Variants in TLN2 observed in about 807,000 individuals in gnomAD.
The protein encoded by TLN2 is talin 2, also known as talin-2.
In TLN2, 118 loss-of-function variants were observed where a neutral mutation model predicts 294.7. That is an observed-to-expected ratio of 0.40 (90% CI 0.34 to 0.47). The LOEUF (loss-of-function observed/expected upper bound fraction) is 0.47, where lower values mean the gene tolerates loss of function less well. Ranked by LOEUF, TLN2 falls within the 20% of genes least tolerant of loss-of-function variation. The pLI is 0.84. For synonymous variants in TLN2, 1,431 were observed against 1,304.5 expected (o/e 1.10, Z -2.09); for missense variants, 3,083 against 3,282.2 (o/e 0.94, Z 1.48).
At chr15:62,782,882 A>G (rs2064303688) in intron 44 of TLN2, among the ~76,000 whole-genome samples, 1 of 152,234 alleles carries the variant, frequency 6.6e-6, no homozygotes, top group Admixed American at 6.5e-5. Flanking sequence ...TGTTATCCAG[A>G]GCAAGAGGAG....
intron 1 of TLN2, among the ~76,000 whole-genome samples, chr15:62,518,861 G>A (rs756508343): frequency 1.4e-4 from 22 of 152,314 alleles, no homozygotes; most frequent in Non-Finnish European, 2.8e-4. Flanking sequence ...GCCTCCCAAA[G>A]TGCAGGGATT....
intron 41 of TLN2, among the ~76,000 whole-genome samples, chr15:62,769,610 G>C (rs780149810): frequency 2.0e-5 from 3 of 152,180 alleles, no homozygotes; most frequent in Non-Finnish European, 2.9e-5. Flanking sequence ...CGTTAATTAA[G>C]TTTTATTTTT....
chr15:62,483,069 C>T (rs183545636), intron 1 of TLN2, among the ~76,000 whole-genome samples: 1 of 152,334 alleles, frequency 6.6e-6, no homozygotes, highest in Admixed American at 6.5e-5. Context: ...AGTTCCCTTC[C>T]TCTGTTCTTG....
chr15:62,599,591 G>A (rs972387085), intron 2 of TLN2, among the ~76,000 whole-genome samples: 1 of 152,074 alleles, frequency 6.6e-6, no homozygotes, highest in African/African-American at 2.4e-5. Context: ...ATCAAGAGAG[G>A]GAAACATCAG....
chr15:62,745,341 A>T (rs1032973548), intron 32 of TLN2, among the ~76,000 whole-genome samples: 4 of 152,200 alleles, frequency 2.6e-5, no homozygotes, highest in Non-Finnish European at 4.4e-5. Context: ...TAAAAAAAAA[A>T]TAAAAGTAAC....
intron 26 of TLN2, among the ~76,000 whole-genome samples, chr15:62,723,008 TGAG>T (rs1403353907): frequency 3.3e-5 from 5 of 152,352 alleles, no homozygotes; most frequent in African/African-American, 9.6e-5. Context: ...AGAACAGAGT[TGAG>T]GACTAAATTT....
intron 50 of TLN2, among the ~76,000 whole-genome samples, chr15:62,802,546 G>A (rs2066004012): frequency 6.6e-6 from 1 of 152,196 alleles, no homozygotes; most frequent in African/African-American, 2.4e-5. Flanking sequence ...TGGGAGTGCA[G>A]ATATCTCTTT....
intron 1 of TLN2, among the ~76,000 whole-genome samples, chr15:62,576,526 G>A (rs562289599): frequency 2.0e-5 from 3 of 151,430 alleles, no homozygotes; most frequent in South Asian, 2.1e-4. Flanking sequence ...GAGGGAGCGC[G>A]AGAATTGCTG....
chr15:62,534,420 G>C (rs1418032218), intron 1 of TLN2, among the ~76,000 whole-genome samples: 1 of 152,170 alleles, frequency 6.6e-6, no homozygotes, highest in Non-Finnish European at 1.5e-5. Flanking sequence ...ACAGCTCACA[G>C]AACTCAGGGA....
chr15:62,542,512 A>T (rs547033899), intron 1 of TLN2, among the ~76,000 whole-genome samples: 2 of 152,100 alleles, frequency 1.3e-5, no homozygotes, highest in Non-Finnish European at 2.9e-5. Flanking sequence ...TTCAGACCAC[A>T]ATTGACTGCA....
chr15:62,488,708 A>G (rs2038544588), intron 1 of TLN2, among the ~76,000 whole-genome samples: 1 of 152,230 alleles, frequency 6.6e-6, no homozygotes, highest in Non-Finnish European at 1.5e-5. Flanking sequence ...TATTTTCAGA[A>G]TACAATGATC....
chr15:62,685,342 T>C (rs746021837), intron 11 of TLN2, among the ~76,000 whole-genome samples: 13 of 152,206 alleles, frequency 8.5e-5, no homozygotes, highest in Admixed American at 2.0e-4. Flanking sequence ...TATTGAAAAC[T>C]TGGATTGTTT....
chr15:62,707,039 G>C (rs753628341), intron 19 of TLN2, 47 bp from the exon 20 acceptor site: 2 of 1,551,334 alleles, frequency 1.3e-6, no homozygotes, highest in Admixed American at 3.6e-5. Flanking sequence ...GCTGTGAAAG[G>C]TGATTAGAGA....
At chr15:62,612,509 A>G (rs1030329863) in intron 2 of TLN2, among the ~76,000 whole-genome samples, 3 of 152,164 alleles carry the variant, frequency 2.0e-5, no homozygotes, top group African/African-American at 4.8e-5. Flanking sequence ...TTAAAACACA[A>G]CACATTGCTG....
intron 14 of TLN2, among the ~76,000 whole-genome samples, chr15:62,697,228 C>T (rs1008470576): frequency 1.3e-5 from 2 of 152,090 alleles, no homozygotes; most frequent in Non-Finnish European, 2.9e-5. Context: ...TCACCTCATC[C>T]TCTTGAATAG....
intron 2 of TLN2, among the ~76,000 whole-genome samples, chr15:62,590,728 T>C (rs1250695139): frequency 6.6e-6 from 1 of 152,186 alleles, no homozygotes; most frequent in Non-Finnish European, 1.5e-5. Context: ...TCCCAAGTAG[T>C]GTGTACGAAG....
At chr15:62,737,906 A>C (rs1025946355) in intron 29 of TLN2, among the ~76,000 whole-genome samples, 1 of 152,186 alleles carries the variant, frequency 6.6e-6, no homozygotes, top group African/African-American at 2.4e-5. Context: ...ACCTGACCTC[A>C]TGCTGGAGAG....
intron 12 of TLN2, chr15:62,687,869 A>C (rs2057420989): frequency 6.6e-6 from 1 of 152,234 alleles, no homozygotes; most frequent in Non-Finnish European, 1.5e-5. Flanking sequence ...CCCTCAAAAG[A>C]TGAATGTTCA....
At chr15:62,651,428 G>A (rs2414785) in intron 5 of TLN2, among the ~76,000 whole-genome samples, 9,802 of 152,158 alleles carry the variant, frequency 0.064, 511 homozygotes, top group African/African-American at 0.14. Flanking sequence ...ACATTGTGCC[G>A]TGTTTGGAAT....
Sources: allele counts gnomAD v4.1 joint callset (sites outside exome capture counted in the v4.1 genomes callset), GRCh38; gene constraint gnomAD v4.1.1; transcripts MANE v1.5; gene names NCBI Gene and HGNC (gene_info 2026-07-23, HGNC 2026-07-21).